EPC1: variants seen among roughly 807,000 people sequenced by gnomAD.
EPC1 encodes the protein enhancer of polycomb 1, also known as enhancer of polycomb homolog 1.
In EPC1, 12 loss-of-function variants were observed where a neutral mutation model predicts 98.4. The ratio of observed to expected loss-of-function variants is 0.12; its 90% CI spans 0.08 to 0.20. The LOEUF (loss-of-function observed/expected upper bound fraction) is 0.20. EPC1 is among the 10% of genes least tolerant of loss of function. The pLI, the probability that EPC1 is intolerant of heterozygous loss-of-function variation, is 1.00. For missense variants in EPC1, 729 were observed against 990.5 expected (o/e 0.74, Z 3.54); for synonymous variants, 357 against 363.9 (o/e 0.98, Z 0.21).
At chr10:32,361,556 C>T (rs542080390) in intron 1 of EPC1, among the ~76,000 whole-genome samples, 170 of 152,188 alleles carry the variant, frequency 1.1e-3, no homozygotes, top group Admixed American at 2.7e-3. Context: ...CTGCATTTTC[C>T]CTGTTCCCCA....
chr10:32,321,378 C>CTATA (rs1836905966), intron 1 of EPC1, among the ~76,000 whole-genome samples: 1 of 151,792 alleles, frequency 6.6e-6, no homozygotes, highest in African/African-American at 2.4e-5. Flanking sequence ...TGGGGTCTTG[C>CTATA]TATATTGCCC....
chr10:32,268,722 C>G lies in EPC1; in HGVS notation c.*341G>C, dbSNP rs1472479059. 5.3e-6 allele frequency: 1 copy of G among 187,698 alleles called. No homozygotes were observed. The highest frequency in any genetic ancestry group is 2.4e-5 in the African/African-American group (1 of 41,956). 11.6% of individuals were successfully genotyped at this position (187,698 alleles called of 1,614,324 possible). ...ACTTCATCTCTATACAATCTCACAT[C>G]TCACACTCTTTGTTGCAATTGATTT... On this transcript the variant is annotated 3_prime_UTR_variant, in exon 14 of 14. Transcript: ENST00000319778.
At chr10:32,298,696 C>T (rs1835315020) in intron 2 of EPC1, among the ~76,000 whole-genome samples, 1 of 152,138 alleles carries the variant, frequency 6.6e-6, no homozygotes, top group South Asian at 2.1e-4. Context: ...GGGGTCACTT[C>T]CAGAATGTAC....
chr10:32,279,922 C>G (rs550833268), intron 10 of EPC1, among the ~76,000 whole-genome samples: 11 of 152,238 alleles, frequency 7.2e-5, no homozygotes, highest in South Asian at 2.1e-4. Context: ...TATACACATA[C>G]GGTCTTTCCC....
chr10:32,307,674 T>C (rs1336120642), intron 1 of EPC1, among the ~76,000 whole-genome samples: 9 of 152,238 alleles, frequency 5.9e-5, no homozygotes, highest in Non-Finnish European at 1.2e-4. Context: ...TTCTATCTTC[T>C]ACTTTGGTAG....
At chr10:32,290,137 T>C (rs1011776852) in intron 6 of EPC1, among the ~76,000 whole-genome samples, 1 of 152,104 alleles carries the variant, frequency 6.6e-6, no homozygotes, top group East Asian at 1.9e-4. Context: ...ATATTACTAT[T>C]AAGATATCAA....
chr10:32,351,354 A>G (rs1839102836), upstream of EPC1, among the ~76,000 whole-genome samples: 1 of 152,124 alleles, frequency 6.6e-6, no homozygotes, highest in African/African-American at 2.4e-5. Context: ...TCTCATCACC[A>G]TCTTCAGAAA....
rs1286210689 is a variant in EPC1 at position 32,293,080 on chromosome 10, G to A, written c.574C>T (p.Pro192Ser). Residue 192 changes from proline (P) to serine (S), a missense_variant, in exon 4 of 14, where the codon CCA (proline) becomes TCA (serine). Coordinates refer to ENST00000319778, the MANE Select transcript of EPC1 (RefSeq NM_001272004.3). ...RKNCRGPSLI[P>S]SVKQEKRDGS... is the part of the protein sequence containing the mutation. ...TCTCGCTTCTCTTGTTTTACTGATG[G>A]AATAAGAGATGGCCCTCGACAGTTT... 1 of 1,612,888 alleles carries A rather than the reference G, an allele frequency of 6.2e-7. No individual in the cohort carries two copies. Among genetic ancestry groups the A allele is most frequent in the African/African-American group, 1.3e-5 (1 of 74,810 alleles).
rs762269458 is a variant in EPC1, at chr10:32,293,206, A to G, written c.460-12T>C. On this transcript the variant is annotated splice_polypyrimidine_tract_variant and intron_variant, in intron 3 of 13. Transcript: ENST00000319778. ...TGCAGACTGACTGGCTAAATGTAAA[A>G]CCATTATGTCATTTTCATACAATAC... The G allele has an allele frequency of 6.3e-7, 1 of 1,592,828 alleles. No individual in the cohort carries two copies. Among genetic ancestry groups the G allele is most frequent in the Non-Finnish European group, 8.6e-7 (1 of 1,163,738 alleles).
chr10:32,341,317 C>CTGTGTGTG (rs955653800), intron 1 of EPC1, among the ~76,000 whole-genome samples: 1 of 102,620 alleles, frequency 9.7e-6, no homozygotes, highest in Non-Finnish European at 2.2e-5. Flanking sequence ...GGACACATGT[C>CTGTGTGTG]TGTGTGTGTG....
At chr10:32,269,326 T>C (rs1018244368) in intron 13 of EPC1, 191 bp from the exon 14 acceptor site, 3 of 502,840 alleles carry the variant, frequency 6.0e-6, no homozygotes, top group Non-Finnish European at 1.1e-5. Flanking sequence ...TGACTATAAA[T>C]AAATTCCACA....
At chr10:32,276,370 G>T (rs1836096100) in intron 10 of EPC1, among the ~76,000 whole-genome samples, 1 of 152,132 alleles carries the variant, frequency 6.6e-6, no homozygotes, top group Non-Finnish European at 1.5e-5. Context: ...AACTTAGCCA[G>T]GCGTGGTGGC....
intron 1 of EPC1, among the ~76,000 whole-genome samples, chr10:32,337,779 C>T (rs1473368993): frequency 1.3e-5 from 2 of 151,978 alleles, no homozygotes; most frequent in African/African-American, 4.8e-5. Flanking sequence ...TTGCTATGTC[C>T]CCTTTTTCAT....
At chr10:32,364,528 G>A (rs1229903572) in intron 1 of EPC1, among the ~76,000 whole-genome samples, 1 of 152,174 alleles carries the variant, frequency 6.6e-6, no homozygotes, top group African/African-American at 2.4e-5. Context: ...CCACCTAGTT[G>A]AATGGTCTTG....
At chr10:32,289,161 G>T (rs955259996) in intron 6 of EPC1, among the ~76,000 whole-genome samples, 1 of 151,988 alleles carries the variant, frequency 6.6e-6, no homozygotes. Flanking sequence ...TATTACAAAT[G>T]CAGGACATAA....
chr10:32,300,465 GCT>G, intron 2 of EPC1, among the ~76,000 whole-genome samples: 1 of 142,314 alleles, frequency 7.0e-6, no homozygotes, highest in Admixed American at 7.2e-5. Context: ...ACAGAGTCTT[GCT>G]CTGTCACCCA....
intron 1 of EPC1, among the ~76,000 whole-genome samples, chr10:32,363,411 A>C (rs1839500406): frequency 6.6e-6 from 1 of 151,978 alleles, no homozygotes; most frequent in African/African-American, 2.4e-5. Context: ...GTAAGGAATA[A>C]TTTTCACTGT....
At chr10:32,305,280 A>C (rs1391279241) in intron 2 of EPC1, among the ~76,000 whole-genome samples, 1 of 152,254 alleles carries the variant, frequency 6.6e-6, no homozygotes, top group East Asian at 1.9e-4. Context: ...AAGTTTTATT[A>C]CAACACAGCG....
chr10:32,320,362 C>G (rs1171835791), intron 1 of EPC1, among the ~76,000 whole-genome samples: 1 of 152,072 alleles, frequency 6.6e-6, no homozygotes, highest in Non-Finnish European at 1.5e-5. Context: ...CTTAATTTCT[C>G]TATTTAAACT....
Sources: allele counts gnomAD v4.1 joint callset (sites outside exome capture counted in the v4.1 genomes callset), GRCh38; gene constraint gnomAD v4.1.1; transcripts MANE v1.5; gene names NCBI Gene and HGNC (gene_info 2026-07-23, HGNC 2026-07-21).